KCNJ15: variants seen among roughly 807,000 people sequenced by gnomAD.
KCNJ15 encodes the protein potassium inwardly rectifying channel subfamily J member 15.
A neutral mutation model predicts 23.0 loss-of-function variants in KCNJ15; 14 were observed. That is an observed-to-expected ratio of 0.61 (90% CI 0.40 to 0.95). The LOEUF (loss-of-function observed/expected upper bound fraction) is 0.95. Among genes scored for constraint, KCNJ15 ranks in the 40% least tolerant of loss-of-function variants. The pLI is 0.00. For missense variants in KCNJ15, 388 were observed against 461.8 expected (o/e 0.84, Z 1.46); for synonymous variants, 185 against 183.2 (o/e 1.01, Z -0.08).
chr21:38,263,905 A>G (rs1200672667), intron 1 of KCNJ15, among the ~76,000 whole-genome samples: 1 of 143,652 alleles, frequency 7.0e-6, no homozygotes, highest in Admixed American at 6.9e-5. Flanking sequence ...AAAGATACAT[A>G]CACACACACA....
chr21:38,294,855 T>C (rs1984981613), intron 1 of KCNJ15, among the ~76,000 whole-genome samples: 1 of 152,220 alleles, frequency 6.6e-6, no homozygotes, highest in Non-Finnish European at 1.5e-5. Context: ...CTTTTACTGG[T>C]TTGAAGTAGG....
upstream of KCNJ15, among the ~76,000 whole-genome samples, chr21:38,253,398 C>T (rs1017817335): frequency 2.6e-5 from 4 of 152,136 alleles, no homozygotes; most frequent in Admixed American, 2.6e-4. Context: ...CTCCAAGACT[C>T]ACCTATATTC....
intron 1 of KCNJ15, among the ~76,000 whole-genome samples, chr21:38,290,995 A>AACACACACACACAC (rs57018976): frequency 0.029 from 3,653 of 127,190 alleles, 121 homozygotes; most frequent in African/African-American, 0.076. Context: ...AAAAAGGCTA[A>AACACACACACACAC]ACACACACAC....
chr21:38,288,566 C>G (rs1204856844), intron 1 of KCNJ15, among the ~76,000 whole-genome samples: 2 of 152,070 alleles, frequency 1.3e-5, no homozygotes, highest in African/African-American at 4.8e-5. Flanking sequence ...ACAAGCCAGC[C>G]TGAAATTGTT....
chr21:38,298,155 AAATTT>A lies in KCNJ15; in HGVS notation c.-18-1087_-18-1083del, dbSNP rs1985359888. ...TTATCTTTTTCAAGGAATGTGGGGGAAATTTATGTCAGTCATCAGGCAGGTACTAG... is the reference window on the plus strand; with the variant it reads ...TTATCTTTTTCAAGGAATGTGGGGGAATGTCAGTCATCAGGCAGGTACTAG... On this transcript the variant is annotated intron_variant, in intron 2 of 2. Coordinates refer to ENST00000398938, the MANE Select transcript of KCNJ15 (RefSeq NM_170736.3). 2.0e-5 allele frequency: 3 copies of A among 152,062 alleles called. No individual in the cohort carries two copies. In the South Asian group the frequency reaches 6.2e-4, roughly 31 times the overall value. 9.4% of individuals were successfully genotyped at this position (152,062 alleles called of 1,614,324 possible). A position where few individuals can be genotyped will look rare whatever the true frequency, so the allele number is the denominator to read the frequency against.
chr21:38,268,584 G>A (rs899889092), intron 1 of KCNJ15, among the ~76,000 whole-genome samples: 5 of 135,896 alleles, frequency 3.7e-5, no homozygotes, highest in Admixed American at 1.5e-4. Flanking sequence ...AAAAGAAAGT[G>A]GGAGGAGAGT....
intron 1 of KCNJ15, among the ~76,000 whole-genome samples, chr21:38,282,396 A>C (rs969082635): frequency 6.6e-6 from 1 of 152,172 alleles, no homozygotes; most frequent in African/African-American, 2.4e-5. Flanking sequence ...GATGAAATTG[A>C]ATATACTTAT....
In KCNJ15 at chr21:38,299,341, C is replaced by G; in HGVS notation, c.80C>G (p.Pro27Arg). The G allele has an allele frequency of 1.2e-6, 2 of 1,614,166 alleles. No homozygotes were observed. Among genetic ancestry groups the G allele is most frequent in the Non-Finnish European group, 1.7e-6 (2 of 1,180,018 alleles). The change falls in exon 3 of 3, where the codon CCC becomes CGC. Residue 27 changes from proline (P) to arginine (R), a missense_variant. Pro to Arg is a moderately radical substitution (Grantham distance 103). Coordinates refer to ENST00000398938, the MANE Select transcript of KCNJ15 (RefSeq NM_170736.3). The surrounding 1 kb of genome is among the most constrained non-coding windows in gnomAD (Gnocchi z 4.5). The stretch of plus-strand genomic sequence containing the variant: ...GGGGCTGGGCTCAAGGCCAACAGAC[C>G]CCGCGTCATGTCCAAGAGTGGGCAC... Reference protein sequence around the residue: ...TAGAGLKANRPRVMSKSGHSN... With the variant: ...TAGAGLKANRRRVMSKSGHSN...
intron 1 of KCNJ15, among the ~76,000 whole-genome samples, chr21:38,233,412 C>T (rs997043202): frequency 2.6e-5 from 4 of 152,006 alleles, no homozygotes; most frequent in Non-Finnish European, 5.9e-5. Context: ...CTGTTTAATC[C>T]ATTCACATTG....
intron 1 of KCNJ15, among the ~76,000 whole-genome samples, chr21:38,278,790 G>GACCA (rs1983008923): frequency 6.6e-6 from 1 of 152,170 alleles, no homozygotes; most frequent in Non-Finnish European, 1.5e-5. Context: ...TGCATGACCT[G>GACCA]ACCAGGTAAC....
intron 1 of KCNJ15, among the ~76,000 whole-genome samples, chr21:38,279,659 T>A (rs1166725463): frequency 6.6e-6 from 1 of 152,154 alleles, no homozygotes; most frequent in African/African-American, 2.4e-5. Flanking sequence ...CACCCAGCCC[T>A]CAAGGAAGTG....
At chr21:38,288,854 G>T (rs961524876) in intron 1 of KCNJ15, among the ~76,000 whole-genome samples, 1 of 152,148 alleles carries the variant, frequency 6.6e-6, no homozygotes, top group Non-Finnish European at 1.5e-5. Context: ...TACTTCCCAC[G>T]TGTCATCTCC....
chr21:38,233,960 C>T (rs1978435568), intron 1 of KCNJ15, among the ~76,000 whole-genome samples: 1 of 151,966 alleles, frequency 6.6e-6, no homozygotes, highest in South Asian at 2.1e-4. Flanking sequence ...GAGAGAAATA[C>T]GTATTTGTAG....
At chr21:38,281,761 TA>T (rs1478466867) in intron 1 of KCNJ15, among the ~76,000 whole-genome samples, 1 of 152,228 alleles carries the variant, frequency 6.6e-6, no homozygotes, top group Non-Finnish European at 1.5e-5. Flanking sequence ...GGTAGAATGA[TA>T]TAGTTTCCTT....
intron 1 of KCNJ15, among the ~76,000 whole-genome samples, chr21:38,259,478 C>T (rs1304816021): frequency 1.3e-5 from 2 of 152,252 alleles, no homozygotes; most frequent in Non-Finnish European, 2.9e-5. Flanking sequence ...CATTGCACCC[C>T]GGATTAAATC....
chr21:38,281,386 T>C (rs1200314900), intron 1 of KCNJ15, among the ~76,000 whole-genome samples: 2 of 152,182 alleles, frequency 1.3e-5, no homozygotes. Flanking sequence ...GTGCAGGTAG[T>C]GAGCACAGTA....
rs1465873569 is a variant in KCNJ15 at position 38,303,890 on chromosome 21, A to G, written c.*3501A>G. On this transcript the variant is annotated 3_prime_UTR_variant, in exon 3 of 3. Coordinates refer to ENST00000398938, the MANE Select transcript of KCNJ15 (RefSeq NM_170736.3). ...TATATGCCCAGCTGGAGGGAGAAGA[A>G]GAGAAAAATGAAAGCACTAGGCCTT... The G allele has an allele frequency of 6.6e-6, 1 of 152,184 alleles. No homozygotes were observed. Among genetic ancestry groups the G allele is most frequent in the Non-Finnish European group, 1.5e-5 (1 of 68,034 alleles). 9.4% of individuals were successfully genotyped at this position (152,184 alleles called of 1,614,324 possible).
intron 1 of KCNJ15, among the ~76,000 whole-genome samples, chr21:38,282,866 G>A (rs970321909): frequency 3.3e-5 from 5 of 152,162 alleles, no homozygotes; most frequent in African/African-American, 4.8e-5. Flanking sequence ...TGGACAATGA[G>A]AAGGCAGAAG....
intron 1 of KCNJ15, among the ~76,000 whole-genome samples, chr21:38,269,724 A>G (rs570940329): frequency 1.3e-5 from 2 of 152,286 alleles, no homozygotes; most frequent in South Asian, 2.1e-4. Context: ...GTGTGGAGAG[A>G]AACCACAATA....
Sources: gnomAD v4.1 joint callset for allele counts (sites outside exome capture counted in the v4.1 genomes callset) on GRCh38, gnomAD v4.1.1 for gene constraint, Gnocchi (gnomAD v3.1) non-coding constraint, MANE v1.5 for transcripts, NCBI Gene and HGNC (gene_info 2026-07-23, HGNC 2026-07-21) for gene names.